Variants in KIAA0319 observed in about 807,000 individuals in gnomAD.
KIAA0319 encodes the protein dyslexia-associated protein KIAA0319.
In KIAA0319, 83 loss-of-function variants were observed where a neutral mutation model predicts 108.4. The observed-to-expected ratio is 0.77, with a 90% CI of 0.64 to 0.92. The LOEUF is 0.92. KIAA0319 is among the 40% of genes least tolerant of loss of function. The pLI is 0.00. For synonymous variants in KIAA0319, 484 were observed against 510.4 expected (o/e 0.95, Z 0.70); for missense variants, 1,195 against 1,322.4 (o/e 0.90, Z 1.49).
At position 24,636,982 on chromosome 6, in the gene KIAA0319, A is replaced by C. The variant is rs1776290045; in HGVS notation, c.-106+8754T>G. 2.0e-5 allele frequency among the ~76,000 whole-genome samples: 3 copies of C among 152,278 alleles called. No homozygotes were observed. In the South Asian group the frequency reaches 6.2e-4, roughly 31 times the overall value. On this transcript the variant is annotated intron_variant, in intron 1 of 20. Coordinates refer to ENST00000378214, the MANE Select transcript of KIAA0319 (RefSeq NM_014809.4). ...CATGGGTACCAAAACCAGAGTGCCCAGATAAGCTGCAGACAAAAGCAGAGC... is the reference window on the plus strand; with the variant it reads ...CATGGGTACCAAAACCAGAGTGCCCCGATAAGCTGCAGACAAAAGCAGAGC...
chr6:24,588,547 G>T, intron 4 of KIAA0319, 46 bp downstream of exon 4: 2 of 1,521,950 alleles, frequency 1.3e-6, no homozygotes, highest in Non-Finnish European at 1.8e-6. Flanking sequence ...AAATTCTACA[G>T]CCTGTCTTCA....
chr6:24,630,710 T>TATATATATACACAC (rs373537245), intron 1 of KIAA0319, among the ~76,000 whole-genome samples: 5 of 138,688 alleles, frequency 3.6e-5, no homozygotes, highest in African/African-American at 1.5e-4. Context: ...TATACACATA[T>TATATATATACACAC]ACACACAAAC....
chr6:24,593,538 C>T (rs929507969), intron 3 of KIAA0319, among the ~76,000 whole-genome samples: 4 of 151,652 alleles, frequency 2.6e-5, no homozygotes, highest in African/African-American at 9.7e-5. Flanking sequence ...GAAGCTGGGA[C>T]TACAGGCACA....
intron 10 of KIAA0319, among the ~76,000 whole-genome samples, chr6:24,575,421 A>G (rs1276412912): frequency 1.3e-5 from 2 of 152,302 alleles, no homozygotes; most frequent in East Asian, 3.9e-4. Context: ...CCTGTTTTGT[A>G]TCCAACCCGC....
Position 24,596,138 on chromosome 6 carries a change from C to G in KIAA0319, c.536G>C (p.Ser179Thr). ...TAGGCCCCAGTCCGTGTACTCGGCA[C>G]TCCCTCTGGGCTCCTGCTTGCCACT... ...QPSGKQEPRG[S>T]AEYTDWGLLP... is the part of the protein sequence containing the mutation. Residue 179 changes from serine to threonine, a missense_variant, in exon 3 of 21, where the codon AGT becomes ACT. Physicochemically the swap from Ser to Thr is moderately conservative, Grantham distance 58 (BLOSUM62 1). Transcript: ENST00000378214. 1 of 1,614,104 alleles carries G rather than the reference C, an allele frequency of 6.2e-7. No homozygotes were observed. Among genetic ancestry groups the G allele is most frequent in the Non-Finnish European group, 8.5e-7 (1 of 1,179,998 alleles).
At chr6:24,579,739 G>A in intron 8 of KIAA0319, 119 bp downstream of exon 8, 4 of 696,184 alleles carry the variant, frequency 5.7e-6, no homozygotes, top group Non-Finnish European at 9.5e-6. Flanking sequence ...TAAAGAAGGA[G>A]GTGATCGTTT....
chr6:24,628,833 T>C (rs549239615), intron 1 of KIAA0319, among the ~76,000 whole-genome samples: 6 of 152,220 alleles, frequency 3.9e-5, no homozygotes, highest in South Asian at 4.1e-4. Flanking sequence ...TCTCCTTGTG[T>C]GCCTCTGGGT....
intron 5 of KIAA0319, chr6:24,583,004 T>G: frequency 1.1e-6 from 1 of 890,128 alleles, no homozygotes; most frequent in Non-Finnish European, 1.3e-6. Flanking sequence ...GAGAAAAAAA[T>G]GAATTAAGGA....
chr6:24,540,597 TCAA>T (rs897077351), downstream of KIAA0319, among the ~76,000 whole-genome samples: 1 of 151,756 alleles, frequency 6.6e-6, no homozygotes, highest in African/African-American at 2.4e-5. Context: ...TAATCTCAAC[TCAA>T]CAAGAGAGGC....
At chr6:24,592,193 T>C (rs1291778625) in intron 3 of KIAA0319, among the ~76,000 whole-genome samples, 1 of 152,216 alleles carries the variant, frequency 6.6e-6, no homozygotes, top group Non-Finnish European at 1.5e-5. Flanking sequence ...CATTTTGAGT[T>C]AATTTTTTTA....
At chr6:24,625,112 A>G (rs751160906) in intron 1 of KIAA0319, among the ~76,000 whole-genome samples, 1 of 152,234 alleles carries the variant, frequency 6.6e-6, no homozygotes, top group Non-Finnish European at 1.5e-5. Flanking sequence ...ACAGTACCCC[A>G]TAACTTCTGT....
chr6:24,550,386 A>G (rs1251888826), intron 20 of KIAA0319, among the ~76,000 whole-genome samples: 5 of 152,256 alleles, frequency 3.3e-5, no homozygotes, highest in Non-Finnish European at 7.3e-5. Context: ...AAAAGATTAT[A>G]TCTTCCATAA....
intron 3 of KIAA0319, 136 bp downstream of exon 3, chr6:24,595,737 G>A: frequency 1.1e-6 from 1 of 888,406 alleles, no homozygotes; most frequent in Non-Finnish European, 1.7e-6. Flanking sequence ...GCCACCACCT[G>A]AGACAGGTGC....
chr6:24,541,140 A>G (rs2817239), downstream of KIAA0319, among the ~76,000 whole-genome samples: 69,022 of 151,840 alleles, frequency 0.45, 16,620 homozygotes, highest in Non-Finnish European at 0.54. Context: ...TATTATATAC[A>G]TGCAAAAAAA....
chr6:24,541,608 G>A (rs1760196065), downstream of KIAA0319, among the ~76,000 whole-genome samples: 1 of 152,198 alleles, frequency 6.6e-6, no homozygotes, highest in African/African-American at 2.4e-5. Context: ...GACCGGCCTG[G>A]CCAACATGGC....
intron 15 of KIAA0319, among the ~76,000 whole-genome samples, chr6:24,563,888 C>T (rs1400855957): frequency 6.6e-6 from 1 of 152,174 alleles, no homozygotes. Context: ...AGCCACTTCA[C>T]TGGAGCTGCC....
chr6:24,642,383 A>T (rs1190474244), intron 1 of KIAA0319, among the ~76,000 whole-genome samples: 3 of 152,236 alleles, frequency 2.0e-5, no homozygotes, highest in Non-Finnish European at 4.4e-5. Context: ...GTGCAGCTAC[A>T]CATCATGTAC....
rs1175691773 is a variant in KIAA0319, at chr6:24,588,885, G to A, written c.802-100C>T. The A allele has an allele frequency of 3.1e-6, 3 of 979,250 alleles. No homozygotes were observed. In the African/African-American group the frequency reaches 4.9e-5, roughly 16 times the overall value. 60.7% of individuals were successfully genotyped at this position (979,250 alleles called of 1,614,324 possible). A position where few individuals can be genotyped will look rare whatever the true frequency, so the allele number is the denominator to read the frequency against. ...CAACCTTTTTCATAAATTAGCTTTG[G>A]TAATGTTTGAAAAACCATGAATAAT... On this transcript the variant is annotated intron_variant, in intron 3 of 20. Coordinates refer to ENST00000378214, the MANE Select transcript of KIAA0319 (RefSeq NM_014809.4).
Position 24,595,255 on chromosome 6 carries a change from T to C in KIAA0319, c.801+618A>G, listed in dbSNP as rs191543805. 3.0e-3 allele frequency among the ~76,000 whole-genome samples: 462 copies of C among 152,146 alleles called. 1 individual carries two copies. Among genetic ancestry groups the C allele is most frequent in the African/African-American group, 7.5e-3 (313 of 41,526 alleles). ...ATACCATCTCCCGTTGCCTTAAATG[T>C]CGCTAGAGTATCCAGGCGCGGTGGC... On this transcript the variant is annotated intron_variant, in intron 3 of 20. Transcript: ENST00000378214.
Sources: allele counts gnomAD v4.1 joint callset (sites outside exome capture counted in the v4.1 genomes callset), GRCh38; gene constraint gnomAD v4.1.1; transcripts MANE v1.5; gene names NCBI Gene and HGNC (gene_info 2026-07-23, HGNC 2026-07-21).